SEMA5A: variants seen among roughly 807,000 people sequenced by gnomAD.
SEMA5A encodes semaphorin 5A, also known as semaphorin-5A.
A neutral mutation model predicts 135.5 loss-of-function variants in SEMA5A; 55 were observed. The ratio of observed to expected loss-of-function variants is 0.41; its 90% confidence interval spans 0.33 to 0.51. SEMA5A has a LOEUF of 0.51. Ranked by LOEUF, SEMA5A falls within the 20% of genes least tolerant of loss-of-function variation. The pLI, the probability that SEMA5A is intolerant of heterozygous loss-of-function variation, is 0.37. For missense variants in SEMA5A, 1,290 were observed against 1,419.9 expected, an observed-to-expected ratio of 0.91 and a Z score of 1.47; for synonymous variants, 580 against 546.5, an observed-to-expected ratio of 1.06 and a Z score of -0.85.
chr5:9,220,295 T>C (rs1279541433), intron 8 of SEMA5A, among the ~76,000 whole-genome samples: 1 of 152,052 alleles, frequency 6.6e-6, no homozygotes, highest in African/African-American at 2.4e-5. Flanking sequence ...TCTCAGAAAT[T>C]ACCACTAAAT....
chr5:9,038,425 T>C lies in SEMA5A; in HGVS notation c.*4472A>G, dbSNP rs1001771411. Reference sequence around the variant, plus strand: ...CAATGACACACACAAGAAAACCCCATTGAAGTGTAAAGGATACCCGGACCC... The same window carrying C: ...CAATGACACACACAAGAAAACCCCACTGAAGTGTAAAGGATACCCGGACCC... On this transcript the variant is annotated 3_prime_UTR_variant, in exon 23 of 23. Transcript: ENST00000382496. The C allele has an allele frequency of 6.6e-5, 10 of 151,990 alleles. No homozygotes were observed. The highest frequency in any genetic ancestry group is 2.2e-4 in the African/African-American group (9 of 41,350). The allele number at this position is 151,990 out of a possible 1,614,324, so 9.4% of individuals were successfully genotyped here. A position where few individuals can be genotyped will look rare whatever the true frequency, so the allele number is the denominator to read the frequency against.
intron 3 of SEMA5A, among the ~76,000 whole-genome samples, chr5:9,340,724 G>C (rs1178436828): frequency 6.6e-6 from 1 of 152,176 alleles, no homozygotes; most frequent in Non-Finnish European, 1.5e-5. Flanking sequence ...ATAGATCAAA[G>C]TTGAGTAATC....
chr5:9,392,184 C>T, intron 2 of SEMA5A, among the ~76,000 whole-genome samples: 1 of 152,178 alleles, frequency 6.6e-6, no homozygotes, highest in East Asian at 1.9e-4. Flanking sequence ...AAGTACCTCC[C>T]TTTTACTCCA....
At chr5:9,134,277 C>T (rs1741608814) in intron 13 of SEMA5A, among the ~76,000 whole-genome samples, 1 of 152,126 alleles carries the variant, frequency 6.6e-6, no homozygotes, top group Admixed American at 6.5e-5. Context: ...ACCAGAGTAG[C>T]TGGAACTACA....
chr5:9,305,651 A>C (rs1374654653), intron 5 of SEMA5A, among the ~76,000 whole-genome samples: 2 of 151,482 alleles, frequency 1.3e-5, no homozygotes, highest in African/African-American at 4.9e-5. Flanking sequence ...AGAAACACCA[A>C]CACCGGGGAG....
chr5:9,094,977 T>C (rs1381252787), intron 16 of SEMA5A, among the ~76,000 whole-genome samples: 7 of 151,770 alleles, frequency 4.6e-5, no homozygotes, highest in Admixed American at 4.6e-4. Context: ...AAAAAAAATA[T>C]GCCATGGAGG....
chr5:9,212,239 T>C (rs1806039), intron 8 of SEMA5A, among the ~76,000 whole-genome samples: 4,471 of 152,338 alleles, frequency 0.029, 236 homozygotes, highest in African/African-American at 0.1. Context: ...CCCAACTTGA[T>C]TGCCAGTTTC....
chr5:9,127,394 C>A (rs1741174317), intron 13 of SEMA5A, among the ~76,000 whole-genome samples: 1 of 152,166 alleles, frequency 6.6e-6, no homozygotes, highest in Admixed American at 6.5e-5. Flanking sequence ...GTACTTAGCG[C>A]AAACAGTGCC....
At chr5:9,083,325 A>G (rs1255341627) in intron 16 of SEMA5A, among the ~76,000 whole-genome samples, 1 of 152,170 alleles carries the variant, frequency 6.6e-6, no homozygotes, top group African/African-American at 2.4e-5. Flanking sequence ...TTTATTGGCC[A>G]ATTTACTATG....
chr5:9,436,070 T>A (rs1374218954), intron 2 of SEMA5A, among the ~76,000 whole-genome samples: 1 of 152,222 alleles, frequency 6.6e-6, no homozygotes, highest in African/African-American at 2.4e-5. Flanking sequence ...ACTGCAATTC[T>A]CTTGCAGATT....
At position 9,513,302 on chromosome 5, in the gene SEMA5A, ATCTAGC is replaced by A. The variant is rs566206373; in HGVS notation, c.-175+32276_-175+32281del. 2.1e-3 allele frequency among the ~76,000 whole-genome samples: 316 copies of A among 152,172 alleles called. 1 individual carries two copies. Among genetic ancestry groups the A allele is most frequent in the Non-Finnish European group, 3.6e-3 (243 of 67,992 alleles). On this transcript the variant is annotated intron_variant, in intron 1 of 22. Transcript: ENST00000382496. Reference sequence around the variant, plus strand: ...AACTTTACAGAGTGAAAAAGTAATAATCTAGCAAAGAATCCTATCATTGGATTTCAC... The same window carrying A: ...AACTTTACAGAGTGAAAAAGTAATAAAAAGAATCCTATCATTGGATTTCAC...
At chr5:9,211,367 A>G (rs1746337297) in intron 8 of SEMA5A, among the ~76,000 whole-genome samples, 1 of 152,112 alleles carries the variant, frequency 6.6e-6, no homozygotes, top group Non-Finnish European at 1.5e-5. Flanking sequence ...TGGTACCCAC[A>G]TATACTTCAT....
chr5:9,322,027 G>A (rs1249833155), intron 4 of SEMA5A, among the ~76,000 whole-genome samples: 1 of 152,180 alleles, frequency 6.6e-6, no homozygotes, highest in Non-Finnish European at 1.5e-5. Context: ...AGAGCTCTCT[G>A]TCTACTTGGA....
intron 6 of SEMA5A, among the ~76,000 whole-genome samples, chr5:9,229,782 G>A (rs1191455423): frequency 6.6e-6 from 1 of 151,502 alleles, no homozygotes; most frequent in African/African-American, 2.4e-5. Context: ...AACAACATGG[G>A]CAAGGGTAAT....
intron 8 of SEMA5A, among the ~76,000 whole-genome samples, chr5:9,218,025 A>T (rs1746727928): frequency 6.6e-6 from 1 of 152,188 alleles, no homozygotes. Context: ...AGAAGGAAAC[A>T]AAGAACACTG....
chr5:9,397,063 T>C (rs1261431396), intron 2 of SEMA5A, among the ~76,000 whole-genome samples: 1 of 143,210 alleles, frequency 7.0e-6, no homozygotes, highest in Non-Finnish European at 1.5e-5. Context: ...AAAAAAAAAA[T>C]AGGACCAAAG....
chr5:9,254,961 G>T (rs1172813739), intron 5 of SEMA5A, among the ~76,000 whole-genome samples: 1 of 152,182 alleles, frequency 6.6e-6, no homozygotes. Context: ...AGACTAGACA[G>T]AACAGTATAA....
intron 11 of SEMA5A, among the ~76,000 whole-genome samples, chr5:9,186,669 C>A (rs1274763441): frequency 6.6e-6 from 1 of 152,032 alleles, no homozygotes; most frequent in Non-Finnish European, 1.5e-5. Context: ...ATATCAGATT[C>A]TTTTTTAGAT....
At chr5:9,166,534 G>A (rs547340148) in intron 11 of SEMA5A, among the ~76,000 whole-genome samples, 1 of 152,188 alleles carries the variant, frequency 6.6e-6, no homozygotes, top group Non-Finnish European at 1.5e-5. Flanking sequence ...TAAATGATAA[G>A]TCCTATTCAA....
Sources: allele counts gnomAD v4.1 joint callset (sites outside exome capture counted in the v4.1 genomes callset), GRCh38; gene constraint gnomAD v4.1.1; transcripts MANE v1.5; gene names NCBI Gene and HGNC (gene_info 2026-07-23, HGNC 2026-07-21).